NKAIN2: variants seen among roughly 807,000 people sequenced by gnomAD.
The protein encoded by NKAIN2 is sodium/potassium transporting ATPase interacting 2.
A neutral mutation model predicts 32.6 loss-of-function variants in NKAIN2; 14 were observed. The observed-to-expected ratio is 0.43, with a 90% CI of 0.28 to 0.67. The LOEUF (loss-of-function observed/expected upper bound fraction) is 0.67, where lower values mean the gene tolerates loss of function less well. Among genes scored for constraint, NKAIN2 ranks in the 30% least tolerant of loss-of-function variants. NKAIN2 has a pLI of 0.17. For synonymous variants in NKAIN2, 80 were observed against 87.2 expected, an observed-to-expected ratio of 0.92 and a Z score of 0.46; for missense variants, 198 against 258.3, an observed-to-expected ratio of 0.77 and a Z score of 1.60.
intron 3 of NKAIN2, among the ~76,000 whole-genome samples, chr6:124,569,558 G>A (rs9491192): frequency 0.11 from 17,362 of 151,954 alleles, 1,387 homozygotes; most frequent in African/African-American, 0.23. Context: ...TGCTATTCCC[G>A]TGACCGTGAA....
intron 3 of NKAIN2, among the ~76,000 whole-genome samples, chr6:124,472,695 G>T (rs1476310400): frequency 7.2e-6 from 1 of 138,274 alleles, no homozygotes; most frequent in East Asian, 2.2e-4. Context: ...TGAGAAAGGA[G>T]AAGAAAGGAG....
intron 2 of NKAIN2, among the ~76,000 whole-genome samples, chr6:124,312,350 A>C (rs1796755139): frequency 6.6e-6 from 1 of 152,116 alleles, no homozygotes; most frequent in African/African-American, 2.4e-5. Flanking sequence ...CCACAGGTTG[A>C]GACTCAGTCC....
chr6:123,920,724 GA>G (rs1486826159), intron 1 of NKAIN2, among the ~76,000 whole-genome samples: 1 of 152,122 alleles, frequency 6.6e-6, no homozygotes, highest in East Asian at 1.9e-4. Context: ...GACAACTTCA[GA>G]TAGGACCAAA....
intron 1 of NKAIN2, among the ~76,000 whole-genome samples, chr6:124,156,017 G>T (rs142003441): frequency 5.9e-5 from 9 of 151,810 alleles, no homozygotes; most frequent in African/African-American, 2.2e-4. Context: ...CTTACATCAA[G>T]TTTGGTGGGT....
At chr6:124,345,784 A>G (rs2115102886) in intron 2 of NKAIN2, among the ~76,000 whole-genome samples, 2 of 152,144 alleles carry the variant, frequency 1.3e-5, no homozygotes, top group Non-Finnish European at 2.9e-5. Context: ...TCAAAAAACC[A>G]GCTCCTGGAT....
At chr6:124,275,250 CTTAAAA>C (rs1794976604) in intron 1 of NKAIN2, among the ~76,000 whole-genome samples, 1 of 151,974 alleles carries the variant, frequency 6.6e-6, no homozygotes, top group African/African-American at 2.4e-5. Context: ...GTGGAAAAGT[CTTAAAA>C]TTAACTATTT....
intron 3 of NKAIN2, among the ~76,000 whole-genome samples, chr6:124,380,083 T>G (rs967174112): frequency 6.6e-6 from 1 of 152,184 alleles, no homozygotes; most frequent in Non-Finnish European, 1.5e-5. Flanking sequence ...AGAAGAAATG[T>G]GCTCCATTGT....
chr6:124,704,972 T>C (rs918554097), intron 4 of NKAIN2, among the ~76,000 whole-genome samples: 2 of 151,986 alleles, frequency 1.3e-5, no homozygotes, highest in Admixed American at 1.3e-4. Flanking sequence ...ATAATGACCA[T>C]AGGAAGAAAT....
At chr6:124,235,077 G>T (rs1347523419) in intron 1 of NKAIN2, among the ~76,000 whole-genome samples, 1 of 152,132 alleles carries the variant, frequency 6.6e-6, no homozygotes, top group Non-Finnish European at 1.5e-5. Flanking sequence ...GACAGAGTAT[G>T]ATTTGTTCTA....
chr6:124,097,683 A>G (rs1338104135), intron 1 of NKAIN2, among the ~76,000 whole-genome samples: 2 of 152,198 alleles, frequency 1.3e-5, no homozygotes, highest in Non-Finnish European at 1.5e-5. Context: ...TAAACTTCAA[A>G]ACAAATGAGA....
intron 1 of NKAIN2, among the ~76,000 whole-genome samples, chr6:123,805,147 T>C (rs1054302348): frequency 6.6e-6 from 1 of 152,196 alleles, no homozygotes; most frequent in African/African-American, 2.4e-5. Context: ...CCACTCTAAG[T>C]GGTTAATTTG....
chr6:124,488,404 C>T (rs1170010541), intron 3 of NKAIN2, among the ~76,000 whole-genome samples: 1 of 151,896 alleles, frequency 6.6e-6, no homozygotes, highest in Non-Finnish European at 1.5e-5. Flanking sequence ...CTGCTCAGAA[C>T]AGAAATTACA....
intron 3 of NKAIN2, among the ~76,000 whole-genome samples, chr6:124,448,548 C>G (rs1775983161): frequency 6.6e-6 from 1 of 152,130 alleles, no homozygotes; most frequent in Non-Finnish European, 1.5e-5. Flanking sequence ...CATTGTCTGG[C>G]TAGCTAATAA....
intron 2 of NKAIN2, among the ~76,000 whole-genome samples, chr6:124,348,637 C>A (rs892012076): frequency 6.6e-6 from 1 of 152,220 alleles, no homozygotes; most frequent in East Asian, 1.9e-4. Context: ...CAAATAGGAA[C>A]AGCTCCGGTC....
At chr6:123,915,693 G>A (rs184999625) in intron 1 of NKAIN2, among the ~76,000 whole-genome samples, 141 of 152,262 alleles carry the variant, frequency 9.3e-4, no homozygotes, top group Middle Eastern at 3.4e-3. Flanking sequence ...ATAAGTTGTA[G>A]ATAAACAAGT....
chr6:124,325,536 G>C, intron 2 of NKAIN2, among the ~76,000 whole-genome samples: 1 of 152,052 alleles, frequency 6.6e-6, no homozygotes, highest in East Asian at 1.9e-4. Flanking sequence ...AAACAGGTTA[G>C]ATGTATTCAT....
At chr6:124,562,439 G>A (rs1205369206) in intron 3 of NKAIN2, among the ~76,000 whole-genome samples, 2 of 152,162 alleles carry the variant, frequency 1.3e-5, no homozygotes, top group Admixed American at 6.5e-5. Context: ...AACAGATAGT[G>A]TCAAATATTG....
chr6:124,699,029 C>A (rs1190709183), intron 4 of NKAIN2, among the ~76,000 whole-genome samples: 2 of 152,172 alleles, frequency 1.3e-5, no homozygotes, highest in African/African-American at 4.8e-5. Context: ...CCTTCAGCTT[C>A]CCTGTCTATA....
chr6:124,661,266 T>C (rs1784735934), intron 4 of NKAIN2, among the ~76,000 whole-genome samples: 1 of 152,200 alleles, frequency 6.6e-6, no homozygotes, highest in Admixed American at 6.5e-5. Flanking sequence ...AGCTGAACTC[T>C]CACTCTTCTC....
Sources: allele counts gnomAD v4.1 joint callset (sites outside exome capture counted in the v4.1 genomes callset), GRCh38; gene constraint gnomAD v4.1.1; transcripts MANE v1.5; gene names NCBI Gene and HGNC (gene_info 2026-07-23, HGNC 2026-07-21).